The following ITSN1 variants were observed in gnomAD, a reference collection of about 807,000 sequenced individuals.
ITSN1 encodes intersectin-1.
In ITSN1, 58 loss-of-function variants were observed where a neutral mutation model predicts 239.8. That is an observed-to-expected ratio of 0.24 (90% CI 0.20 to 0.30). ITSN1 has a LOEUF of 0.30. ITSN1 is among the 10% of genes least tolerant of loss of function. The probability of loss-of-function intolerance (pLI) is 1.00; values close to 1 mark genes in which losing one functional copy is unlikely to be tolerated. For synonymous variants in ITSN1, 780 were observed against 770.8 expected (o/e 1.01, Z -0.20); for missense variants, 1,558 against 2,103.3 (o/e 0.74, Z 5.07).
intron 2 of ITSN1, among the ~76,000 whole-genome samples, chr21:33,720,082 T>G (rs1016816186): frequency 3.3e-5 from 5 of 152,168 alleles, no homozygotes; most frequent in Non-Finnish European, 7.4e-5. Context: ...CAATTTCTGG[T>G]TTTTGTTTAT....
rs1270529050 is a variant in ITSN1 at position 33,893,191 on chromosome 21, C to T, written c.*4891C>T. ...GTACTTCATGTGCAGTAGCCCAGGG[C>T]CCGCCTTCTAGAGTGAATGTTTCCC... On this transcript the variant is annotated 3_prime_UTR_variant, in exon 40 of 40. Coordinates refer to ENST00000381318, the MANE Select transcript of ITSN1 (RefSeq NM_003024.3). 2 of 152,244 alleles carry T rather than the reference C, an allele frequency of 1.3e-5. No homozygotes were observed. The highest frequency in any genetic ancestry group is 3.8e-4 in the East Asian group (2 of 5,206). The allele number at this position is 152,244 out of a possible 1,614,324, so 9.4% of individuals were successfully genotyped here. A position where few individuals can be genotyped will look rare whatever the true frequency, so the allele number is the denominator to read the frequency against.
intron 27 of ITSN1, 91 bp downstream of exon 27, chr21:33,829,836 C>A (rs1367250492): frequency 5.8e-6 from 8 of 1,390,586 alleles, no homozygotes; most frequent in Non-Finnish European, 7.9e-6. Context: ...AAAGTACAAA[C>A]CACCCCTCAC....
At chr21:33,724,878 C>G (rs2065727094) in intron 4 of ITSN1, among the ~76,000 whole-genome samples, 1 of 152,094 alleles carries the variant, frequency 6.6e-6, no homozygotes, top group Non-Finnish European at 1.5e-5. Flanking sequence ...TGGTCTCGAA[C>G]TCCTGGACTC....
chr21:33,841,067 A>C (rs186229378), intron 29 of ITSN1, among the ~76,000 whole-genome samples: 2 of 152,304 alleles, frequency 1.3e-5, no homozygotes, highest in Non-Finnish European at 2.9e-5. Context: ...TCTGCATAAA[A>C]GGGTGTCTGG....
chr21:33,767,198 ATAAAT>A (rs997981935), intron 10 of ITSN1, among the ~76,000 whole-genome samples: 1 of 151,754 alleles, frequency 6.6e-6, no homozygotes, highest in African/African-American at 2.4e-5. Context: ...AATGACATAA[ATAAAT>A]AAATAAATAA....
At position 33,750,264 on chromosome 21, in the gene ITSN1, C is replaced by T. The variant is rs568363003; in HGVS notation, c.468C>T (p.Pro156=). The change falls in exon 6 of 40, where the codon CCC becomes CCT. Residue 156 remains proline, a synonymous_variant. Transcript: ENST00000381318. ...LVSSVPTAAV[P]PLANGAPPVI... ...CTTCTGTTCCCACAGCAGCTGTGCC[C>T]CCCCTGGCTAACGGGGCTCCCCCTG... 1 of 1,614,078 alleles carries T rather than the reference C, an allele frequency of 6.2e-7. No homozygotes were observed. The highest frequency in any genetic ancestry group is 8.5e-7 in the Non-Finnish European group (1 of 1,180,036).
chr21:33,837,902 T>C (rs1023023582), intron 29 of ITSN1: 27 of 985,762 alleles, frequency 2.7e-5, no homozygotes, highest in Non-Finnish European at 2.9e-5. Flanking sequence ...CGATCAACGA[T>C]ATCCACAGTC....
At chr21:33,839,141 CT>C (rs1485282238) in intron 29 of ITSN1, among the ~76,000 whole-genome samples, 3 of 152,192 alleles carry the variant, frequency 2.0e-5, no homozygotes, top group African/African-American at 7.2e-5. Context: ...GCCCCATTGG[CT>C]TCTGGGAGGA....
At chr21:33,826,742 T>C in intron 25 of ITSN1, 76 bp from the exon 26 acceptor site, 1 of 1,369,364 alleles carries the variant, frequency 7.3e-7, no homozygotes, top group Non-Finnish European at 1.0e-6. Context: ...AGCGGGTTTG[T>C]ATCATCATTA....
At chr21:33,790,362 C>A (rs1453940071) in intron 16 of ITSN1, among the ~76,000 whole-genome samples, 3 of 151,744 alleles carry the variant, frequency 2.0e-5, no homozygotes, top group Admixed American at 2.0e-4. Flanking sequence ...TTGTTACATG[C>A]AGCTACAATT....
At chr21:33,719,503 G>A (rs1393846562) in intron 2 of ITSN1, among the ~76,000 whole-genome samples, 1 of 152,196 alleles carries the variant, frequency 6.6e-6, no homozygotes, top group African/African-American at 2.4e-5. Context: ...GCTACATCTA[G>A]TCTGTACCTT....
At chr21:33,746,075 G>C (rs1448169011) in intron 5 of ITSN1, among the ~76,000 whole-genome samples, 1 of 152,140 alleles carries the variant, frequency 6.6e-6, no homozygotes, top group African/African-American at 2.4e-5. Context: ...AAAGATGCAG[G>C]TGCAATCCGT....
At chr21:33,659,503 G>A (rs2089371914) in intron 1 of ITSN1, among the ~76,000 whole-genome samples, 2 of 152,066 alleles carry the variant, frequency 1.3e-5, no homozygotes, top group Admixed American at 6.5e-5. Flanking sequence ...CACTAACTCC[G>A]GTAGTGTCAG....
chr21:33,794,530 C>G (rs930049314), intron 17 of ITSN1, 62 bp downstream of exon 17: 6 of 1,550,580 alleles, frequency 3.9e-6, no homozygotes, highest in Non-Finnish European at 5.2e-6. Flanking sequence ...CTATTCTTTG[C>G]TTGGCTTCTC....
intron 19 of ITSN1, among the ~76,000 whole-genome samples, chr21:33,801,763 T>C (rs988219418): frequency 6.6e-6 from 1 of 152,258 alleles, no homozygotes; most frequent in Non-Finnish European, 1.5e-5. Context: ...ACACAGTTAT[T>C]GACTGAAACA....
At position 33,763,229 on chromosome 21, in the gene ITSN1, C is replaced by CAAAA. The variant is rs71322243; in HGVS notation, c.788+1264_788+1267dup. Among the ~76,000 whole-genome samples the CAAAA allele has an allele frequency of 5.3e-4, 37 of 69,804 alleles. 1 individual carries two copies. Among genetic ancestry groups the CAAAA allele is most frequent in the East Asian group, 1.5e-3 (3 of 2,034 alleles). 45.8% of individuals were successfully genotyped at this position (69,804 alleles called of 152,430 possible). On this transcript the variant is annotated intron_variant, in intron 9 of 39. Coordinates refer to ENST00000381318, the MANE Select transcript of ITSN1 (RefSeq NM_003024.3). Reference sequence around the variant, plus strand: ...CAAGTCCCCCAGGCCGCCCCCCAACCAAAAAAAAAAAAAAAAAAAAAAAAC... The same window carrying CAAAA: ...CAAGTCCCCCAGGCCGCCCCCCAACCAAAAAAAAAAAAAAAAAAAAAAAAAAAAC...
chr21:33,835,048 G>A (rs1402099703), intron 28 of ITSN1, among the ~76,000 whole-genome samples: 1 of 152,162 alleles, frequency 6.6e-6, no homozygotes, highest in Non-Finnish European at 1.5e-5. Context: ...GAGGTCAGGG[G>A]GAGCAGATTT....
At chr21:33,713,732 C>G (rs2092482485) in intron 1 of ITSN1, among the ~76,000 whole-genome samples, 1 of 150,916 alleles carries the variant, frequency 6.6e-6, no homozygotes, top group Admixed American at 6.6e-5. Context: ...CTACTATTGT[C>G]TGGGGTTCCT....
chr21:33,785,843 C>T (rs1438257593), intron 16 of ITSN1, among the ~76,000 whole-genome samples: 1 of 151,988 alleles, frequency 6.6e-6, no homozygotes, highest in African/African-American at 2.4e-5. Flanking sequence ...AGATATTTAC[C>T]TTTTAGGTGT....
Sources: gnomAD v4.1 joint callset for allele counts (sites outside exome capture counted in the v4.1 genomes callset) on GRCh38, gnomAD v4.1.1 for gene constraint, MANE v1.5 for transcripts, NCBI Gene and HGNC (gene_info 2026-07-23, HGNC 2026-07-21) for gene names.